The following TUBGCP2 variants were observed in gnomAD, a reference collection of about 807,000 sequenced individuals.
TUBGCP2 encodes gamma-tubulin complex component 2.
A neutral mutation model predicts 92.2 loss-of-function variants in TUBGCP2; 55 were observed. The ratio of observed to expected loss-of-function variants is 0.60; its 90% CI spans 0.48 to 0.75. TUBGCP2 has a LOEUF of 0.75. Among genes scored for constraint, TUBGCP2 ranks in the 30% least tolerant of loss-of-function variants. The pLI is 0.00. For synonymous variants in TUBGCP2, 533 were observed against 505.2 expected (o/e 1.06, Z -0.74); for missense variants, 1,093 against 1,188.9 (o/e 0.92, Z 1.19).
intron 5 of TUBGCP2, 87 bp downstream of exon 5, chr10:133,297,865 A>G (rs1847526060): frequency 2.6e-6 from 4 of 1,558,544 alleles, no homozygotes; most frequent in Non-Finnish European, 3.5e-6. Flanking sequence ...GGCCAGAAAT[A>G]AACACATGAC....
chr10:133,283,900 C>T lies in TUBGCP2; in HGVS notation c.2127G>A (p.Leu709=). 1.2e-6 allele frequency: 2 copies of T among 1,614,034 alleles called. No homozygotes were observed. The highest frequency in any genetic ancestry group is 1.7e-6 in the Non-Finnish European group (2 of 1,179,962). ...AACTCACGGATTTCAGGTTTTTCTC[C>T]AGGATGTGCCAGGTCGGTTCCATCA... ...FEVMEPTWHI[L]EKNLKSASNI... Residue 709 remains leucine, a synonymous_variant, in exon 14 of 18, where the codon CTG becomes CTA. Coordinates refer to ENST00000252936, the MANE Select transcript of TUBGCP2 (RefSeq NM_006659.4).
At chr10:133,279,963 A>G in intron 17 of TUBGCP2, 62 bp from the exon 18 acceptor site, 1 of 1,572,164 alleles carries the variant, frequency 6.4e-7, no homozygotes, top group Non-Finnish European at 8.6e-7. Flanking sequence ...GCTGGGCAGC[A>G]GGGGTGTGGA....
At chr10:133,308,679 A>G (rs1230822368) in intron 1 of TUBGCP2, 144 bp downstream of exon 1, 1 of 261,520 alleles carries the variant, frequency 3.8e-6, no homozygotes, top group Non-Finnish European at 7.2e-6. Flanking sequence ...CTTCGGCCCC[A>G]GAGTTCGGGG....
At position 133,299,519 on chromosome 10, in the gene TUBGCP2, C is replaced by G; in HGVS notation, c.364G>C (p.Val122Leu). The G allele has an allele frequency of 6.2e-7, 1 of 1,613,776 alleles. No homozygotes were observed. The highest frequency in any genetic ancestry group is 1.1e-5 in the South Asian group (1 of 91,076). The change falls in exon 4 of 18, where the codon GTC (valine) becomes CTC (leucine). Residue 122 changes from valine (V) to leucine (L), a missense_variant. Val to Leu is a conservative substitution (Grantham distance 32). This residue lies in a region of TUBGCP2 where 490 missense variants were observed against 488.5 expected (regional missense o/e 1.00). Coordinates refer to ENST00000252936, the MANE Select transcript of TUBGCP2 (RefSeq NM_006659.4). ...AVGSSTTSINVPAAASKISMQ... is the reference protein window; with the variant it reads ...AVGSSTTSINLPAAASKISMQ... ...GAGATCTTGGAGGCCGCGGCAGGGACGTTGATGCTGGTGGTACTGCTGCCC... is the reference window on the plus strand; with the variant it reads ...GAGATCTTGGAGGCCGCGGCAGGGAGGTTGATGCTGGTGGTACTGCTGCCC...
Position 133,293,207 on chromosome 10 carries a change from C to T in TUBGCP2, c.856G>A (p.Gly286Arg), listed in dbSNP as rs1329925531. Residue 286 changes from glycine (G) to arginine (R), a missense_variant, in exon 7 of 18, where the codon GGG becomes AGG. Gly to Arg is a moderately radical substitution (Grantham distance 125). Transcript: ENST00000252936. ...FIEEKSSFEY[G>R]QVNHALAAAM... ...GCCGCCAGGGCGTGGTTCACCTGCC[C>T]GTACTCGAAGGAAGACTTCTCTTCA... is the stretch of plus-strand genomic sequence containing the variant. 8.1e-6 allele frequency: 13 copies of T among 1,613,656 alleles called. No homozygotes were observed. Among genetic ancestry groups the T allele is most frequent in the Admixed American group, 1.7e-5 (1 of 60,010 alleles).
chr10:133,302,560 G>A, intron 2 of TUBGCP2: 1 of 513,378 alleles, frequency 1.9e-6, no homozygotes, highest in Non-Finnish European at 3.5e-6. Context: ...ATGGACTGAG[G>A]GGTGGGTTCA....
At chr10:133,288,663 C>T (rs1311673288) in intron 10 of TUBGCP2, among the ~76,000 whole-genome samples, 177 bp downstream of exon 10, 1 of 152,224 alleles carries the variant, frequency 6.6e-6, no homozygotes, top group Non-Finnish European at 1.5e-5. Context: ...TGACCGGGGG[C>T]CTACACCACC....
rs563307188 is a variant in TUBGCP2, at chr10:133,285,909, G to A, written c.1723-281C>T. 3.9e-5 allele frequency among the ~76,000 whole-genome samples: 6 copies of A among 152,248 alleles called. No individual in the cohort carries two copies. The highest frequency in any genetic ancestry group is 2.1e-4 in the South Asian group (1 of 4,822). Reference sequence around the variant, plus strand: ...GTATAAGGGAAAAACCGCTAAGGACGGTGAAAGAAACGTGATTCCTTAGGA... The same window carrying A: ...GTATAAGGGAAAAACCGCTAAGGACAGTGAAAGAAACGTGATTCCTTAGGA... On this transcript the variant is annotated intron_variant, in intron 11 of 17. Coordinates refer to ENST00000252936, the MANE Select transcript of TUBGCP2 (RefSeq NM_006659.4). The surrounding 1 kb of genome is among the most constrained non-coding windows in gnomAD (Gnocchi z 6.8).
chr10:133,305,371 T>A (rs528414364), intron 1 of TUBGCP2, among the ~76,000 whole-genome samples: 1 of 152,164 alleles, frequency 6.6e-6, no homozygotes, highest in East Asian at 1.9e-4. Context: ...TTATCAATCA[T>A]TGGAGATGAC....
At chr10:133,310,618 G>A (rs1847969873), upstream of TUBGCP2, 1 of 350,134 alleles carries the variant, frequency 2.9e-6, no homozygotes, top group Non-Finnish European at 5.4e-6. Context: ...GTCGGCCGTG[G>A]TCATCCGCAC....
chr10:133,280,367 G>A (rs1313819925), intron 17 of TUBGCP2, among the ~76,000 whole-genome samples: 4 of 152,182 alleles, frequency 2.6e-5, no homozygotes, highest in Non-Finnish European at 5.9e-5. Flanking sequence ...TCCCTGCTCA[G>A]AAAATCAGAA....
intron 5 of TUBGCP2, among the ~76,000 whole-genome samples, chr10:133,296,393 A>G (rs1251438664): frequency 6.6e-6 from 1 of 152,080 alleles, no homozygotes; most frequent in Non-Finnish European, 1.5e-5. Context: ...AGTACCCGCT[A>G]AGGGAGCAGC....
At chr10:133,311,925 T>G (rs551715566), upstream of TUBGCP2, 26 of 1,613,154 alleles carry the variant, frequency 1.6e-5, no homozygotes, top group East Asian at 5.3e-4. Flanking sequence ...GCCGCAGCTC[T>G]TCTCATACTG....
chr10:133,286,104 A>G (rs1308539691), intron 11 of TUBGCP2, among the ~76,000 whole-genome samples: 1 of 152,144 alleles, frequency 6.6e-6, no homozygotes, highest in Non-Finnish European at 1.5e-5. Flanking sequence ...ACCATCGCAC[A>G]ACGACAGGAC....
rs758442073 is a variant in TUBGCP2, at chr10:133,281,357, G to A, written c.2489C>T (p.Ser830Leu). Residue 830 changes from serine to leucine, a missense_variant, in exon 17 of 18, where the codon TCA (serine) becomes TTA (leucine). Physicochemically the swap from Ser to Leu is moderately radical, Grantham distance 145. This residue lies in a region of TUBGCP2 where 598 missense variants were observed against 675.5 expected (regional missense o/e 0.89). Coordinates refer to ENST00000252936, the MANE Select transcript of TUBGCP2 (RefSeq NM_006659.4). ...ATINKFDKNF[S>L]AHLLDLLARL... Reference sequence around the variant, plus strand: ...GGCCAGGAGGTCCAGCAGGTGGGCTGAGAAGTTCTTGTCAAACTTGTTGAT... The same window carrying A: ...GGCCAGGAGGTCCAGCAGGTGGGCTAAGAAGTTCTTGTCAAACTTGTTGAT... 1 of 1,613,910 alleles carries A rather than the reference G, an allele frequency of 6.2e-7. No homozygotes were observed. Among genetic ancestry groups the A allele is most frequent in the South Asian group, 1.1e-5 (1 of 91,078 alleles).
At chr10:133,283,581 G>C (rs1042102100) in intron 14 of TUBGCP2, among the ~76,000 whole-genome samples, 4 of 151,958 alleles carry the variant, frequency 2.6e-5, no homozygotes, top group Non-Finnish European at 4.4e-5. Context: ...AAGGGGTCCC[G>C]TGTGTGGCCA....
rs60050223 is a variant in TUBGCP2 at position 133,289,811 on chromosome 10, C to CGCTGCGCCAAGGACCCCAGGTCCCTGCCT, written c.1360+12_1360+13insAGGCAGGGACCTGGGGTCCTTGGCGCAGC. The CGCTGCGCCAAGGACCCCAGGTCCCTGCCT allele has an allele frequency of 0.076, 122,416 of 1,610,296 alleles. 7,783 individuals carry two copies. Among genetic ancestry groups the CGCTGCGCCAAGGACCCCAGGTCCCTGCCT allele is most frequent in the African/African-American group, 0.34 (24,941 of 74,406 alleles). ...GTGCTGCGCACCCCAAGTCCCCGCC[C>CGCTGCGCCAAGGACCCCAGGTCCCTGCCT]GCTGCGCCGCACCTGTGCTGAGGAT... On this transcript the variant is annotated intron_variant, in intron 9 of 17. Transcript: ENST00000252936.
intron 11 of TUBGCP2, among the ~76,000 whole-genome samples, chr10:133,286,686 A>G (rs1361069230): frequency 6.6e-6 from 1 of 151,982 alleles, no homozygotes; most frequent in Non-Finnish European, 1.5e-5. Context: ...AACTGAAATC[A>G]CAAAAAGTCT....
intron 5 of TUBGCP2, chr10:133,295,882 T>A (rs1035206301): frequency 7.9e-5 from 12 of 152,496 alleles, no homozygotes; most frequent in African/African-American, 2.9e-4. Context: ...GGCCCCGGCA[T>A]GAACACCACA....
Sources: allele counts gnomAD v4.1 joint callset (sites outside exome capture counted in the v4.1 genomes callset), GRCh38; gene constraint gnomAD v4.1.1; regional missense constraint gnomAD v4.1.1; non-coding constraint Gnocchi (gnomAD v3.1); transcripts MANE v1.5; gene names NCBI Gene and HGNC (gene_info 2026-07-23, HGNC 2026-07-21).